Variants in TARBP1 observed in about 807,000 individuals in gnomAD.
TARBP1 encodes tRNA (guanosine(18)-2'-O)-methyltransferase TARBP1.
Under a neutral mutation model 178.6 loss-of-function variants are expected in TARBP1, and 144 were observed. The observed-to-expected ratio is 0.81, with a 90% confidence interval of 0.70 to 0.93. TARBP1 has a LOEUF of 0.93. TARBP1 is among the 40% of genes least tolerant of loss of function. The probability of loss-of-function intolerance (pLI) is 0.00; values close to 1 mark genes in which losing one functional copy is unlikely to be tolerated. For synonymous variants in TARBP1, 787 were observed against 781.0 expected (o/e 1.01, Z -0.13); for missense variants, 2,067 against 2,011.7 (o/e 1.03, Z -0.53).
chr1:234,420,507 T>C (rs759532662), intron 21 of TARBP1, among the ~76,000 whole-genome samples, 195 bp downstream of exon 21: 1 of 152,084 alleles, frequency 6.6e-6, no homozygotes, highest in Non-Finnish European at 1.5e-5. Flanking sequence ...TTCTAACTTA[T>C]TTCTACAATA....
At chr1:234,465,492 A>G (rs1389158112) in intron 5 of TARBP1, among the ~76,000 whole-genome samples, 164 bp downstream of exon 5, 1 of 152,194 alleles carries the variant, frequency 6.6e-6, no homozygotes, top group Non-Finnish European at 1.5e-5. Flanking sequence ...GATGCAAATC[A>G]GAATGCAAGA....
At chr1:234,457,294 C>G (rs1667378510) in intron 9 of TARBP1, among the ~76,000 whole-genome samples, 1 of 152,150 alleles carries the variant, frequency 6.6e-6, no homozygotes, top group South Asian at 2.1e-4. Context: ...GACTGGACAA[C>G]TGGGTGGAGG....
In TARBP1 at chr1:234,391,544, G is replaced by T; in HGVS notation, c.*33C>A. On this transcript the variant is annotated 3_prime_UTR_variant, in exon 30 of 30. Transcript: ENST00000040877. Reference sequence around the variant, plus strand: ...CAAATAGTTTTTTTTAAAAAAGTCTGAACAGCAGCAGCAGTTCACTAAGGA... The same window carrying T: ...CAAATAGTTTTTTTTAAAAAAGTCTTAACAGCAGCAGCAGTTCACTAAGGA... 6.4e-7 allele frequency: 1 copy of T among 1,555,518 alleles called. No individual in the cohort carries two copies. The highest frequency in any genetic ancestry group is 1.2e-5 in the South Asian group (1 of 82,914).
intron 11 of TARBP1, among the ~76,000 whole-genome samples, chr1:234,447,698 T>C (rs570057588): frequency 1.2e-4 from 19 of 152,334 alleles, no homozygotes; most frequent in African/African-American, 4.3e-4. Context: ...TCCTACCTGA[T>C]CTACCTAATG....
In TARBP1 at chr1:234,396,014, C is replaced by T. The variant is rs191823360; in HGVS notation, c.4244-2177G>A. Among the ~76,000 whole-genome samples, 230 of 152,258 alleles carry T rather than the reference C, an allele frequency of 1.5e-3. 2 individuals carry two copies. Among genetic ancestry groups the T allele is most frequent in the South Asian group, 2.1e-4 (1 of 4,826 alleles). On this transcript the variant is annotated intron_variant, in intron 26 of 29. Transcript: ENST00000040877. ...TGTATATATGCATGAAAACGCCACA[C>T]TGTACCCCATAAATATGTACAATTA...
At chr1:234,475,799 G>A (rs182187306) in intron 1 of TARBP1, among the ~76,000 whole-genome samples, 6 of 152,380 alleles carry the variant, frequency 3.9e-5, no homozygotes, top group Admixed American at 3.3e-4. Flanking sequence ...TCCATCGGTG[G>A]CACAGGCCTC....
At chr1:234,458,331 C>G (rs1219652979) in intron 8 of TARBP1, among the ~76,000 whole-genome samples, 1 of 151,240 alleles carries the variant, frequency 6.6e-6, no homozygotes, top group African/African-American at 2.4e-5. Context: ...GAGACAAGAG[C>G]AAAACTCTGT....
chr1:234,455,449 A>G (rs534523344), intron 9 of TARBP1, among the ~76,000 whole-genome samples: 23 of 152,382 alleles, frequency 1.5e-4, no homozygotes, highest in Admixed American at 4.6e-4. Flanking sequence ...TACAACCACC[A>G]GATGGAATAC....
chr1:234,424,593 C>T (rs1051678592), intron 20 of TARBP1, among the ~76,000 whole-genome samples: 1 of 152,176 alleles, frequency 6.6e-6, no homozygotes, highest in Non-Finnish European at 1.5e-5. Flanking sequence ...CTTTTTCATT[C>T]CATTTCTTAC....
At chr1:234,457,872 A>G in intron 8 of TARBP1, 116 bp from the exon 9 acceptor site, 1 of 605,292 alleles carries the variant, frequency 1.7e-6, no homozygotes, top group Non-Finnish European at 2.9e-6. Context: ...ATCATTAGCT[A>G]AATCAAAAGA....
chr1:234,444,748 C>T (rs1158341423), intron 12 of TARBP1, among the ~76,000 whole-genome samples: 1 of 152,060 alleles, frequency 6.6e-6, no homozygotes, highest in African/African-American at 2.4e-5. Flanking sequence ...CTATATCCAC[C>T]CACCTACCTG....
intron 22 of TARBP1, among the ~76,000 whole-genome samples, chr1:234,412,481 C>T (rs1661933202): frequency 6.7e-6 from 1 of 149,954 alleles, no homozygotes; most frequent in Non-Finnish European, 1.5e-5. Flanking sequence ...GCCCAGGCAA[C>T]ATAACAAGAC....
intron 11 of TARBP1, among the ~76,000 whole-genome samples, chr1:234,447,669 A>C (rs985356468): frequency 3.9e-5 from 6 of 152,224 alleles, no homozygotes; most frequent in African/African-American, 1.4e-4. Context: ...AATCAAATTA[A>C]CTGTATGTCA....
intron 20 of TARBP1, among the ~76,000 whole-genome samples, chr1:234,422,608 G>A (rs1663232981): frequency 6.6e-6 from 1 of 152,064 alleles, no homozygotes; most frequent in Non-Finnish European, 1.5e-5. Flanking sequence ...TGGTGGTAGG[G>A]GGAGGGTGTG....
chr1:234,392,106 G>A (rs992761141), intron 29 of TARBP1, among the ~76,000 whole-genome samples: 3 of 152,214 alleles, frequency 2.0e-5, no homozygotes, highest in Non-Finnish European at 2.9e-5. Context: ...GGTGGCTCAC[G>A]CCTGTAATCC....
Position 234,478,896 on chromosome 1 carries a change from C to T in TARBP1, c.208G>A (p.Val70Met). Reference sequence around the variant, plus strand: ...CCGCGCAGGCTCCGCAGCAGTGGCACGAGGTACCCTGCAGCCACCTCGCGC... The same window carrying T: ...CCGCGCAGGCTCCGCAGCAGTGGCATGAGGTACCCTGCAGCCACCTCGCGC... ...AAREVAAGYL[V>M]PLLRSLRGRP... The change falls in exon 1 of 30, where the codon GTG (valine) becomes ATG (methionine). Residue 70 changes from valine (V) to methionine (M), a missense_variant. By Grantham distance (21) the Val-to-Met change is conservative. Coordinates refer to ENST00000040877, the MANE Select transcript of TARBP1 (RefSeq NM_005646.4). 7.2e-7 allele frequency: 1 copy of T among 1,388,848 alleles called. No homozygotes were observed. Among genetic ancestry groups the T allele is most frequent in the African/African-American group, 1.5e-5 (1 of 65,552 alleles). 86.0% of individuals were successfully genotyped at this position (1,388,848 alleles called of 1,614,324 possible).
At position 234,393,774 on chromosome 1, in the gene TARBP1, G is replaced by A. The variant is rs777414828; in HGVS notation, c.4307C>T (p.Pro1436Leu). Residue 1436 changes from proline (P) to leucine (L), a missense_variant, in exon 27 of 30, where the codon CCG (proline) becomes CTG (leucine). By Grantham distance (98) the Pro-to-Leu change is moderately conservative (BLOSUM62 -3). Transcript: ENST00000040877. ...EWTDVQKKII[P>L]WNSRVSDLDL... is the part of the protein sequence containing the mutation. ...TAAGTCGGAAACACGACTGTTCCAC[G>A]GGATAATCTTCTTCTGAACGTCGGT... The A allele has an allele frequency of 1.1e-5, 17 of 1,613,886 alleles. No individual in the cohort carries two copies. In the East Asian group the frequency reaches 1.1e-4, roughly 11 times the overall value.
chr1:234,410,810 C>A (rs1333105223), intron 22 of TARBP1, among the ~76,000 whole-genome samples: 1 of 152,262 alleles, frequency 6.6e-6, no homozygotes, highest in Non-Finnish European at 1.5e-5. Flanking sequence ...CAGTGGCTCA[C>A]GCCTATAATC....
chr1:234,418,305 TAAAATAGCTTA>T (rs1277387941), intron 21 of TARBP1, 72 bp from the exon 22 acceptor site: 6 of 1,333,102 alleles, frequency 4.5e-6, no homozygotes, highest in Non-Finnish European at 6.1e-6. Flanking sequence ...CCATTTAAAA[TAAAATAGCTTA>T]AAGTTTTTAT....
Sources: gnomAD v4.1 joint callset for allele counts (sites outside exome capture counted in the v4.1 genomes callset) on GRCh38, gnomAD v4.1.1 for gene constraint, MANE v1.5 for transcripts, NCBI Gene and HGNC (gene_info 2026-07-23, HGNC 2026-07-21) for gene names.